The following DMD variants were observed in gnomAD, a reference collection of about 807,000 sequenced individuals.
DMD encodes the protein mutant dystrophin.
A neutral mutation model predicts 330.1 loss-of-function variants in DMD; 63 were observed. The observed-to-expected ratio is 0.19, with a 90% CI of 0.16 to 0.24. DMD has a LOEUF of 0.24. Among genes scored for constraint, DMD ranks in the 10% least tolerant of loss-of-function variants. The pLI is 1.00. For synonymous variants in DMD, 1,223 were observed against 959.8 expected (o/e 1.27, Z -5.07); for missense variants, 3,344 against 2,684.1 (o/e 1.25, Z -5.43).
In DMD at chrX:31,209,702, G is replaced by A. The variant is rs752816247; in HGVS notation, c.9362-3C>T. The A allele has an allele frequency of 4.1e-6, 5 of 1,207,718 alleles. No homozygotes were observed. Among genetic ancestry groups the A allele is most frequent in the Non-Finnish European group, 5.6e-6 (5 of 892,622 alleles). ...AGCTGACAGGCTCAAGAGATCCACT[G>A]CAAAAAACAAATAAAATCACAAATG... On this transcript the variant is annotated splice_region_variant and splice_polypyrimidine_tract_variant and intron_variant, in intron 64 of 78. Coordinates refer to ENST00000357033, the MANE Select transcript of DMD (RefSeq NM_004006.3).
chrX:32,221,550 T>C (rs186400379), intron 43 of DMD, among the ~76,000 whole-genome samples: 129 of 112,067 alleles, frequency 1.2e-3, no homozygotes, highest in Admixed American at 2.1e-3. Context: ...ATTTTATTAA[T>C]GTTTTTAAAA....
At chrX:31,299,829 T>G (rs2054506413) in intron 62 of DMD, among the ~76,000 whole-genome samples, 1 of 108,344 alleles carries the variant, frequency 9.2e-6, no homozygotes, top group Non-Finnish European at 1.9e-5. Flanking sequence ...GTAAGCTATT[T>G]GAATATTTCA....
chrX:32,619,561 T>G (rs2057837206), intron 11 of DMD, among the ~76,000 whole-genome samples: 1 of 111,979 alleles, frequency 8.9e-6, no homozygotes, highest in South Asian at 3.7e-4. Context: ...TTGTACATGA[T>G]GAATATACAA....
At chrX:33,010,246 G>A (rs1439573006) in intron 2 of DMD, among the ~76,000 whole-genome samples, 1 of 106,817 alleles carries the variant, frequency 9.4e-6, no homozygotes, top group Admixed American at 1.0e-4. Flanking sequence ...GTACATATGT[G>A]TGTATATATG....
chrX:31,399,593 T>C (rs1185654255), intron 60 of DMD, among the ~76,000 whole-genome samples: 1 of 111,155 alleles, frequency 9.0e-6, no homozygotes, highest in African/African-American at 3.3e-5. Context: ...AGAATTTCCC[T>C]GCCTTCTGTC....
At chrX:31,647,752 G>A (rs1569170295) in intron 54 of DMD, among the ~76,000 whole-genome samples, 1 of 112,301 alleles carries the variant, frequency 8.9e-6, no homozygotes, top group Non-Finnish European at 1.9e-5. Context: ...CACCTGATTT[G>A]CTTTAATTGC....
chrX:31,425,361 C>A (rs1309149634), intron 60 of DMD, among the ~76,000 whole-genome samples: 1 of 112,095 alleles, frequency 8.9e-6, no homozygotes, highest in Non-Finnish European at 1.9e-5. Context: ...AGCATTTGTA[C>A]TAATATTTTC....
At chrX:32,106,979 G>T (rs1280140253) in intron 44 of DMD, among the ~76,000 whole-genome samples, 1 of 112,050 alleles carries the variant, frequency 8.9e-6, no homozygotes, top group Non-Finnish European at 1.9e-5. Context: ...GCTCTGCAAT[G>T]ATCCTTGAGA....
intron 52 of DMD, among the ~76,000 whole-genome samples, chrX:31,711,466 A>AT (rs1233434824): frequency 9.1e-6 from 1 of 110,478 alleles, no homozygotes; most frequent in African/African-American, 3.3e-5. Flanking sequence ...CTTTTTTTTT[A>AT]TTTTTTATTT....
chrX:31,289,246 CAG>C (rs950560061), intron 62 of DMD, among the ~76,000 whole-genome samples: 1 of 50,796 alleles, frequency 2.0e-5, no homozygotes, highest in Non-Finnish European at 3.5e-5. Flanking sequence ...GCCTGGGTGA[CAG>C]AGCAAAAAAA....
At chrX:33,032,497 T>TA (rs776069184) in intron 1 of DMD, among the ~76,000 whole-genome samples, 28 of 112,128 alleles carry the variant, frequency 2.5e-4, no homozygotes, top group Non-Finnish European at 4.3e-4. Context: ...CCTCTTCATT[T>TA]AAAAAAGAGA....
chrX:32,373,478 G>A lies in DMD; in HGVS notation c.4845+7032C>T, dbSNP rs186057079. Among the ~76,000 whole-genome samples, 6 of 111,454 alleles carry A rather than the reference G, an allele frequency of 5.4e-5. No homozygotes were observed. In the East Asian group the frequency reaches 1.7e-3, roughly 32 times the overall value. On this transcript the variant is annotated intron_variant, in intron 34 of 78. Coordinates refer to ENST00000357033, the MANE Select transcript of DMD (RefSeq NM_004006.3). ...TCTGTCACAATTACTCAACTCTGCT[G>A]TTTTAGCACAAAAGCAGCCAGAAAA... is the stretch of plus-strand genomic sequence containing the variant.
At chrX:32,946,299 CT>C (rs767466321) in intron 2 of DMD, among the ~76,000 whole-genome samples, 9 of 109,348 alleles carry the variant, frequency 8.2e-5, no homozygotes, top group East Asian at 2.9e-4. Context: ...AAATGGCCTA[CT>C]TTTTTTTTGG....
At chrX:32,514,205 G>A (rs1603635242) in intron 18 of DMD, among the ~76,000 whole-genome samples, 1 of 98,615 alleles carries the variant, frequency 1.0e-5, no homozygotes, top group Admixed American at 1.2e-4. Context: ...TCAACCAGGT[G>A]AAGGATAGCC....
intron 77 of DMD, among the ~76,000 whole-genome samples, chrX:31,128,646 T>C: frequency 8.9e-6 from 1 of 112,066 alleles, no homozygotes; most frequent in Non-Finnish European, 1.9e-5. Flanking sequence ...CAGTTATCAA[T>C]TGATTATTTC....
intron 45 of DMD, among the ~76,000 whole-genome samples, chrX:31,940,466 A>G (rs1251484305): frequency 9.0e-6 from 1 of 111,611 alleles, no homozygotes. Flanking sequence ...AATAACCACC[A>G]CCACATATGT....
chrX:32,599,454 A>G (rs2055936816), intron 12 of DMD, among the ~76,000 whole-genome samples: 1 of 111,845 alleles, frequency 8.9e-6, no homozygotes, highest in Non-Finnish European at 1.9e-5. Context: ...ATAATATGCT[A>G]AAGTGTTGTA....
At chrX:32,670,374 T>G (rs1247659570) in intron 9 of DMD, among the ~76,000 whole-genome samples, 1 of 111,952 alleles carries the variant, frequency 8.9e-6, no homozygotes. Flanking sequence ...AGAAATAAAT[T>G]TTAACACAAA....
At position 32,299,053 on chromosome X, in the gene DMD, T is replaced by C. The variant is rs146362682; in HGVS notation, c.6117+11029A>G. Among the ~76,000 whole-genome samples, 757 of 110,285 alleles carry C rather than the reference T, an allele frequency of 6.9e-3. 3 individuals are homozygous for C. Among genetic ancestry groups the C allele is most frequent in the East Asian group, 0.026 (92 of 3,481 alleles). On this transcript the variant is annotated intron_variant, in intron 42 of 78. Coordinates refer to ENST00000357033, the MANE Select transcript of DMD (RefSeq NM_004006.3). ...GTATTTATTTAACTAGATAGAAATA[T>C]GTATCGGGAAATCCAGTCCACATTT...
Sources: gnomAD v4.1 joint callset for allele counts (sites outside exome capture counted in the v4.1 genomes callset) on GRCh38, gnomAD v4.1.1 for gene constraint, MANE v1.5 for transcripts, NCBI Gene and HGNC (gene_info 2026-07-23, HGNC 2026-07-21) for gene names.